OR2A12: variants seen among roughly 807,000 people sequenced by gnomAD.
OR2A12 encodes olfactory receptor 2A12.
For synonymous variants in OR2A12, 153 were observed against 149.3 expected (o/e 1.02, Z -0.18); for missense variants, 380 against 372.5 (o/e 1.02, Z -0.17).
intron 1 of OR2A12, among the ~76,000 whole-genome samples, chr7:144,090,722 C>T (rs2051221940): frequency 6.6e-6 from 1 of 152,112 alleles, no homozygotes; most frequent in South Asian, 2.1e-4. Flanking sequence ...CCTGTTGTTT[C>T]CCTCTACGTG....
chr7:144,095,813 GC>G lies in OR2A12; in HGVS notation c.708del (p.Phe237SerfsTer48), dbSNP rs746560274. 1.2e-6 allele frequency: 2 copies of G among 1,614,100 alleles called. No homozygotes were observed. Among genetic ancestry groups the G allele is most frequent in the Non-Finnish European group, 1.7e-6 (2 of 1,180,026 alleles). The part of the protein sequence containing the change: ...RIQSGEGRRK[A>X]FSTCSSHLCV... ...CCAGTCTGGGGAGGGCCGCAGAAAGGCCTTCTCTACCTGCTCCTCCCACCTC... is the reference window on the plus strand; with the variant it reads ...CCAGTCTGGGGAGGGCCGCAGAAAGGCTTCTCTACCTGCTCCTCCCACCTC... On this transcript the variant is annotated frameshift_variant, in exon 2 of 2. Coordinates refer to ENST00000641592, the MANE Select transcript of OR2A12 (RefSeq NM_001004135.2). LOFTEE classifies it low-confidence loss of function (END_TRUNC).
chr7:144,086,974 G>C (rs2051191971), intron 1 of OR2A12, among the ~76,000 whole-genome samples: 1 of 152,092 alleles, frequency 6.6e-6, no homozygotes, highest in East Asian at 1.9e-4. Flanking sequence ...ACGTTACATA[G>C]GTTTCAGACT....
chr7:144,091,112 T>C (rs937074661), intron 1 of OR2A12, among the ~76,000 whole-genome samples: 1 of 152,190 alleles, frequency 6.6e-6, no homozygotes, highest in Non-Finnish European at 1.5e-5. Context: ...TCTCCAGGGC[T>C]GGGTGCGGTG....
chr7:144,087,890 G>A (rs907969617), intron 1 of OR2A12, among the ~76,000 whole-genome samples: 1 of 152,192 alleles, frequency 6.6e-6, no homozygotes, highest in Non-Finnish European at 1.5e-5. Context: ...TGCATGGTGT[G>A]TGGTAGGGGC....
At chr7:144,088,268 T>C (rs1469996716) in intron 1 of OR2A12, among the ~76,000 whole-genome samples, 2 of 152,198 alleles carry the variant, frequency 1.3e-5, no homozygotes, top group Non-Finnish European at 2.9e-5. Context: ...CACCTCGGCC[T>C]CCCAAAGTGC....
rs377026519 is a variant in OR2A12 at position 144,095,422 on chromosome 7, G to A, written c.315G>A (p.Ala105=). ...TACTTCAGACTTTTTTGTATTTGGCGTTTGCTATTACAGAGTGTCTGATTT... is the reference window on the plus strand; with the variant it reads ...TACTTCAGACTTTTTTGTATTTGGCATTTGCTATTACAGAGTGTCTGATTT... The part of the protein sequence containing the change: ...PCILQTFLYL[A]FAITECLILV... Residue 105 remains alanine, a synonymous_variant, in exon 2 of 2, where the codon GCG becomes GCA. Coordinates refer to ENST00000641592, the MANE Select transcript of OR2A12 (RefSeq NM_001004135.2). The A allele has an allele frequency of 9.7e-5, 157 of 1,613,818 alleles. No homozygotes were observed. The highest frequency in any genetic ancestry group is 1.2e-4 in the Non-Finnish European group (138 of 1,179,910).
At position 144,095,233 on chromosome 7, in the gene OR2A12, G is replaced by T; in HGVS notation, c.126G>T (p.Gly42=). Residue 42 remains glycine, a synonymous_variant, in exon 2 of 2, where the codon GGG becomes GGT. Transcript: ENST00000641592. ...ACAGCTTAACCCTGATGGGAAATGG[G>T]ATTATCCTGGGGCTCATCTACTTGG... ...LFYSLTLMGN[G]IILGLIYLDS... 1.2e-6 allele frequency: 2 copies of T among 1,613,986 alleles called. No homozygotes were observed. Among genetic ancestry groups the T allele is most frequent in the Non-Finnish European group, 1.7e-6 (2 of 1,179,958 alleles).
rs2051284031 is a variant in OR2A12, at chr7:144,098,815, A to C, written c.*2775A>C. 6.6e-6 allele frequency: 1 copy of C among 152,136 alleles called. No homozygotes were observed. The highest frequency in any genetic ancestry group is 2.4e-5 in the African/African-American group (1 of 41,410). The allele number at this position is 152,136 out of a possible 1,614,324, so 9.4% of individuals were successfully genotyped here. ...GCTTACACCAATGACCCATTGATTC[A>C]AGACAAAAGATAAACATATCTCCCT... On this transcript the variant is annotated 3_prime_UTR_variant, in exon 2 of 2. Coordinates refer to ENST00000641592, the MANE Select transcript of OR2A12 (RefSeq NM_001004135.2).
chr7:144,089,320 G>A (rs1277587368), intron 1 of OR2A12, among the ~76,000 whole-genome samples: 1 of 151,706 alleles, frequency 6.6e-6, no homozygotes. Context: ...GTGTGCATGT[G>A]TGTGTGTGTG....
At chr7:144,091,217 C>A (rs528100848) in intron 1 of OR2A12, among the ~76,000 whole-genome samples, 1 of 152,068 alleles carries the variant, frequency 6.6e-6, no homozygotes, top group Admixed American at 6.6e-5. Context: ...ATGGTGAAAC[C>A]CTGTTTCTAC....
At position 144,095,221 on chromosome 7, in the gene OR2A12, G is replaced by A; in HGVS notation, c.114G>A (p.Leu38=). Residue 38 remains leucine (L), a synonymous_variant, in exon 2 of 2, where the codon CTG becomes CTA. Transcript: ENST00000641592. The part of the protein sequence containing the change: ...GFFLLFYSLT[L]MGNGIILGLI... ...TCTTGCTATTCTACAGCTTAACCCT[G>A]ATGGGAAATGGGATTATCCTGGGGC... 1 of 1,613,916 alleles carries A rather than the reference G, an allele frequency of 6.2e-7. No individual in the cohort carries two copies. The highest frequency in any genetic ancestry group is 8.5e-7 in the Non-Finnish European group (1 of 1,179,886).
rs73156577 is a variant in OR2A12, at chr7:144,089,142, T to A, written c.-52+2599T>A. Among the ~76,000 whole-genome samples, 1,224 of 152,346 alleles carry A rather than the reference T, an allele frequency of 8.0e-3. 11 individuals are homozygous for A. The highest frequency in any genetic ancestry group is 0.014 in the Non-Finnish European group (941 of 68,028). ...TTGTCTATTTGAATCTTGCAGTCTT[T>A]TCATAGGGCATAAATTCTGAATTGT... On this transcript the variant is annotated intron_variant, in intron 1 of 1. Transcript: ENST00000641592.
chr7:144,090,955 C>T (rs2051223342), intron 1 of OR2A12, among the ~76,000 whole-genome samples: 1 of 152,118 alleles, frequency 6.6e-6, no homozygotes, highest in African/African-American at 2.4e-5. Context: ...TAGGTTGATT[C>T]CATGTCTTTA....
Position 144,096,195 on chromosome 7 carries a change from C to A in OR2A12, c.*155C>A. The A allele has an allele frequency of 1.7e-6, 1 of 605,436 alleles. No individual in the cohort carries two copies. The highest frequency in any genetic ancestry group is 4.6e-4 in the Middle Eastern group (1 of 2,176). The allele number at this position is 605,436 out of a possible 1,614,324, so 37.5% of individuals were successfully genotyped here. ...ACTGGCCTGGCGTGGTGGCTGAAGC[C>A]TGTAATCCCAACACTTTGGGAGGCT... On this transcript the variant is annotated 3_prime_UTR_variant, in exon 2 of 2. Transcript: ENST00000641592.
rs965699889 is a variant in OR2A12 at position 144,097,704 on chromosome 7, T to A, written c.*1664T>A. 1 of 152,222 alleles carries A rather than the reference T, an allele frequency of 6.6e-6. No individual in the cohort carries two copies. The allele number at this position is 152,222 out of a possible 1,614,324, so 9.4% of individuals were successfully genotyped here. A position where few individuals can be genotyped will look rare whatever the true frequency, so the allele number is the denominator to read the frequency against. ...GAAAATTAGTGTATATTTGCTTTTATTAGCACTTGCTATATTAGAGGTGTG... is the reference window on the plus strand; with the variant it reads ...GAAAATTAGTGTATATTTGCTTTTAATAGCACTTGCTATATTAGAGGTGTG... On this transcript the variant is annotated 3_prime_UTR_variant, in exon 2 of 2. Transcript: ENST00000641592.
Position 144,096,230 on chromosome 7 carries a change from G to T in OR2A12, c.*190G>T, listed in dbSNP as rs146570905. The T allele has an allele frequency of 4.0e-5, 19 of 477,100 alleles. No individual in the cohort carries two copies. The East Asian group carries it at 5.3e-4, about 13-fold the overall frequency. The allele number at this position is 477,100 out of a possible 1,614,324, so 29.6% of individuals were successfully genotyped here. ...AACACTTTGGGAGGCTGACCTGGGC[G>T]GATTACCTGAGGTCAGGAGTTCGAG... On this transcript the variant is annotated 3_prime_UTR_variant, in exon 2 of 2. Transcript: ENST00000641592.
intron 1 of OR2A12, among the ~76,000 whole-genome samples, chr7:144,093,550 C>T (rs868725739): frequency 8.6e-5 from 13 of 151,812 alleles, no homozygotes; most frequent in African/African-American, 3.1e-4. Flanking sequence ...CACATGTATA[C>T]ATGTGCAATG....
chr7:144,087,831 T>C (rs1270430769), intron 1 of OR2A12, among the ~76,000 whole-genome samples: 1 of 152,196 alleles, frequency 6.6e-6, no homozygotes, highest in African/African-American at 2.4e-5. Context: ...GGAGAGTTTG[T>C]TTTGATCCTT....
At chr7:144,093,612 T>C (rs1428055285) in intron 1 of OR2A12, among the ~76,000 whole-genome samples, 1 of 150,172 alleles carries the variant, frequency 6.7e-6, no homozygotes, top group Non-Finnish European at 1.5e-5. Flanking sequence ...TATCTCCTAA[T>C]GCTATCCCTC....
Sources: gnomAD v4.1 joint callset for allele counts (sites outside exome capture counted in the v4.1 genomes callset) on GRCh38, gnomAD v4.1.1 for gene constraint, MANE v1.5 for transcripts, NCBI Gene and HGNC (gene_info 2026-07-23, HGNC 2026-07-21) for gene names.